The following LPP variants were observed in gnomAD, a reference collection of about 807,000 sequenced individuals.
LPP encodes LIM domain containing preferred translocation partner in lipoma.
In LPP, 38 loss-of-function variants were observed where a neutral mutation model predicts 60.4. The ratio of observed to expected loss-of-function variants is 0.63; its 90% CI spans 0.49 to 0.83. The LOEUF (loss-of-function observed/expected upper bound fraction) is 0.83, where lower values mean the gene tolerates loss of function less well. Ranked by LOEUF, LPP falls within the 40% of genes least tolerant of loss-of-function variation. LPP has a pLI of 0.00. For missense variants in LPP, 902 were observed against 783.6 expected (o/e 1.15, Z -1.80); for synonymous variants, 328 against 290.8 (o/e 1.13, Z -1.30).
At chr3:188,519,246 T>A (rs1818229942) in intron 5 of LPP, among the ~76,000 whole-genome samples, 1 of 152,168 alleles carries the variant, frequency 6.6e-6, no homozygotes, top group Non-Finnish European at 1.5e-5. Context: ...TGGGCCAAAC[T>A]GACCCTTGAG....
At chr3:188,218,891 A>G (rs905292356) in intron 1 of LPP, among the ~76,000 whole-genome samples, 7 of 152,138 alleles carry the variant, frequency 4.6e-5, no homozygotes, top group African/African-American at 1.7e-4. Context: ...AAGTGGGATT[A>G]CTGGGTCATT....
chr3:188,339,319 C>T (rs1418939807), intron 2 of LPP, among the ~76,000 whole-genome samples: 1 of 152,206 alleles, frequency 6.6e-6, no homozygotes, highest in African/African-American at 2.4e-5. Context: ...ACATGCCACT[C>T]AATCCACGTG....
At chr3:188,405,401 C>T (rs931968865) in intron 3 of LPP, among the ~76,000 whole-genome samples, 8 of 152,130 alleles carry the variant, frequency 5.3e-5, no homozygotes, top group Non-Finnish European at 1.0e-4. Flanking sequence ...TTGGTTTCAA[C>T]CCACCTTTTA....
intron 9 of LPP, among the ~76,000 whole-genome samples, chr3:188,797,039 A>G (rs1235645905): frequency 1.3e-5 from 2 of 152,132 alleles, no homozygotes; most frequent in African/African-American, 4.8e-5. Flanking sequence ...CTCTGCCCTG[A>G]CAACAAATTG....
At chr3:188,844,414 T>C (rs922580728) in intron 9 of LPP, among the ~76,000 whole-genome samples, 1 of 152,254 alleles carries the variant, frequency 6.6e-6, no homozygotes, top group African/African-American at 2.4e-5. Flanking sequence ...TTTCTCTCCC[T>C]ATGGGAAATG....
At chr3:188,568,590 G>A (rs1228915478) in intron 6 of LPP, 1 of 151,882 alleles carries the variant, frequency 6.6e-6, no homozygotes, top group Non-Finnish European at 1.5e-5. Context: ...AGGGTACTCT[G>A]GAAGCATATT....
At chr3:188,331,826 G>A (rs1446034794) in intron 2 of LPP, among the ~76,000 whole-genome samples, 1 of 152,182 alleles carries the variant, frequency 6.6e-6, no homozygotes, top group Non-Finnish European at 1.5e-5. Context: ...TATTAGATGT[G>A]TGAACTTGAT....
intron 6 of LPP, among the ~76,000 whole-genome samples, chr3:188,536,061 T>C (rs1187504872): frequency 6.9e-6 from 1 of 144,022 alleles, no homozygotes; most frequent in Admixed American, 7.5e-5. Context: ...CAGGCTGGAG[T>C]GCAATGGCAT....
intron 2 of LPP, among the ~76,000 whole-genome samples, chr3:188,293,632 T>C (rs1215085676): frequency 6.6e-6 from 1 of 152,198 alleles, no homozygotes. Flanking sequence ...ATTTTATTTT[T>C]AAGAAGTAGA....
intron 7 of LPP, among the ~76,000 whole-genome samples, chr3:188,656,306 G>A (rs1853205223): frequency 6.6e-6 from 1 of 151,900 alleles, no homozygotes; most frequent in East Asian, 1.9e-4. Flanking sequence ...AAACCTGACT[G>A]CCTCCTTCCA....
intron 6 of LPP, among the ~76,000 whole-genome samples, chr3:188,602,061 C>CT (rs993237150): frequency 9.9e-4 from 92 of 92,968 alleles, no homozygotes; most frequent in African/African-American, 3.1e-3. Flanking sequence ...GAGCAAGACT[C>CT]TATCTCAAAT....
chr3:188,716,349 T>G (rs1178911446), intron 8 of LPP, among the ~76,000 whole-genome samples: 2 of 152,222 alleles, frequency 1.3e-5, no homozygotes, highest in Non-Finnish European at 2.9e-5. Flanking sequence ...TCATTGTATT[T>G]GGTGCCTTGG....
intron 9 of LPP, among the ~76,000 whole-genome samples, chr3:188,810,601 A>G (rs990313371): frequency 6.6e-5 from 10 of 152,168 alleles, no homozygotes; most frequent in Admixed American, 5.9e-4. Flanking sequence ...ATACTTTATC[A>G]TAAGTATGTA....
At chr3:188,638,278 A>C (rs893153769) in intron 7 of LPP, among the ~76,000 whole-genome samples, 2 of 149,192 alleles carry the variant, frequency 1.3e-5, no homozygotes, top group African/African-American at 4.9e-5. Context: ...TGATTATCTC[A>C]ATAGATGCAG....
chr3:188,374,876 G>A (rs1029551176), intron 3 of LPP, among the ~76,000 whole-genome samples: 18 of 151,608 alleles, frequency 1.2e-4, no homozygotes, highest in South Asian at 2.1e-4. Flanking sequence ...TTTGAGATAC[G>A]TCCCATCAAT....
intron 7 of LPP, among the ~76,000 whole-genome samples, chr3:188,674,048 A>G (rs1175062531): frequency 1.3e-5 from 2 of 152,118 alleles, no homozygotes; most frequent in African/African-American, 2.4e-5. Flanking sequence ...TGGGCATGTC[A>G]TAACAAACAC....
chr3:188,675,179 C>G (rs1052543450), intron 7 of LPP, among the ~76,000 whole-genome samples: 1 of 152,188 alleles, frequency 6.6e-6, no homozygotes, highest in Admixed American at 6.5e-5. Flanking sequence ...TACATAACAG[C>G]TGTTCAGACT....
At chr3:188,628,137 C>A (rs988504833) in intron 7 of LPP, among the ~76,000 whole-genome samples, 3 of 151,936 alleles carry the variant, frequency 2.0e-5, no homozygotes, top group Non-Finnish European at 4.4e-5. Context: ...AGACAAACAC[C>A]TACATCTGTA....
intron 8 of LPP, chr3:188,746,374 A>G (rs1040868047): frequency 4.2e-5 from 19 of 453,000 alleles, no homozygotes; most frequent in African/African-American, 3.8e-4. Context: ...TGAATAGATG[A>G]AAGGAACAAT....
Sources: allele counts gnomAD v4.1 joint callset (sites outside exome capture counted in the v4.1 genomes callset), GRCh38; gene constraint gnomAD v4.1.1; transcripts MANE v1.5; gene names NCBI Gene and HGNC (gene_info 2026-07-23, HGNC 2026-07-21).